DAB1: variants seen among roughly 807,000 people sequenced by gnomAD.
DAB1 encodes disabled homolog 1.
In DAB1, 15 loss-of-function variants were observed where a neutral mutation model predicts 64.6. The ratio of observed to expected loss-of-function variants is 0.23; its 90% CI spans 0.16 to 0.36. The LOEUF is 0.36. DAB1 is among the 10% of genes least tolerant of loss of function. DAB1 has a pLI of 1.00. For synonymous variants in DAB1, 235 were observed against 251.9 expected, an observed-to-expected ratio of 0.93 and a Z score of 0.64; for missense variants, 596 against 706.7, an observed-to-expected ratio of 0.84 and a Z score of 1.78.
intron 14 of DAB1, among the ~76,000 whole-genome samples, chr1:57,003,699 T>C (rs1645957178): frequency 6.6e-6 from 1 of 152,144 alleles, no homozygotes; most frequent in African/African-American, 2.4e-5. Context: ...CCCCATTCAT[T>C]CCCCAAATCC....
intron 6 of DAB1, among the ~76,000 whole-genome samples, chr1:57,778,035 T>C (rs749624877): frequency 6.6e-6 from 1 of 152,094 alleles, no homozygotes; most frequent in Non-Finnish European, 1.5e-5. Context: ...GGAGTCTTCA[T>C]TGAAATATCC....
chr1:57,876,655 T>A (rs891673920), intron 1 of DAB1: 1 of 152,150 alleles, frequency 6.6e-6, no homozygotes, highest in African/African-American at 2.4e-5. Flanking sequence ...TACCCTATAA[T>A]CCCTTTGCCT....
At chr1:57,277,681 A>G (rs1388796954) in intron 2 of DAB1, among the ~76,000 whole-genome samples, 1 of 152,166 alleles carries the variant, frequency 6.6e-6, no homozygotes, top group East Asian at 1.9e-4. Context: ...GGGCATGATC[A>G]TTTTCCCAAT....
intron 7 of DAB1, among the ~76,000 whole-genome samples, chr1:57,449,645 C>G (rs1241781573): frequency 6.6e-6 from 1 of 152,080 alleles, no homozygotes; most frequent in Non-Finnish European, 1.5e-5. Context: ...TCCCAAAATG[C>G]CAGGATTATA....
chr1:57,885,200 T>C (rs1644204249), upstream of DAB1, among the ~76,000 whole-genome samples: 1 of 152,250 alleles, frequency 6.6e-6, no homozygotes, highest in African/African-American at 2.4e-5. Flanking sequence ...ATTTTAAGCA[T>C]AGCTTTTAGT....
chr1:58,523,018 A>G (rs1477160579), intron 2 of DAB1, among the ~76,000 whole-genome samples: 4 of 152,198 alleles, frequency 2.6e-5, no homozygotes, highest in African/African-American at 9.7e-5. Flanking sequence ...AAAATAAGTC[A>G]AAAGTAGTCT....
chr1:57,969,206 T>C (rs759697975), intron 5 of DAB1, among the ~76,000 whole-genome samples: 14 of 152,036 alleles, frequency 9.2e-5, no homozygotes, highest in Non-Finnish European at 2.1e-4. Flanking sequence ...TTACAAAGAG[T>C]TCAAGAATAT....
chr1:57,159,173 GT>G (rs372634194), intron 2 of DAB1, among the ~76,000 whole-genome samples: 10,637 of 149,544 alleles, frequency 0.071, 511 homozygotes, highest in Non-Finnish European at 0.11. Context: ...TTTATTTCAG[GT>G]TTTTTTTTTC....
intron 8 of DAB1, among the ~76,000 whole-genome samples, chr1:57,067,629 A>G (rs1021452719): frequency 6.6e-6 from 1 of 152,200 alleles, no homozygotes; most frequent in African/African-American, 2.4e-5. Flanking sequence ...GCTTCTCTAA[A>G]AAAATCAAAG....
At chr1:57,164,024 T>G (rs923826836) in intron 2 of DAB1, among the ~76,000 whole-genome samples, 3 of 152,194 alleles carry the variant, frequency 2.0e-5, no homozygotes, top group African/African-American at 7.2e-5. Context: ...TGCCTGGAAC[T>G]GTAACCTTGG....
chr1:57,981,059 A>G (rs1391853961), intron 5 of DAB1, among the ~76,000 whole-genome samples: 6 of 152,198 alleles, frequency 3.9e-5, no homozygotes, highest in Non-Finnish European at 8.8e-5. Flanking sequence ...AAATAGAAGT[A>G]TTTAAACACT....
At chr1:57,046,483 T>C (rs890125298) in intron 9 of DAB1, among the ~76,000 whole-genome samples, 1 of 152,178 alleles carries the variant, frequency 6.6e-6, no homozygotes, top group Admixed American at 6.6e-5. Flanking sequence ...TAATGGCAGT[T>C]AAGGAGAAAG....
intron 11 of DAB1, among the ~76,000 whole-genome samples, chr1:57,018,485 A>C (rs1332517361): frequency 6.6e-6 from 1 of 152,158 alleles, no homozygotes; most frequent in Non-Finnish European, 1.5e-5. Flanking sequence ...AATTATATTC[A>C]TTTTGAAAAA....
intron 1 of DAB1, among the ~76,000 whole-genome samples, chr1:57,359,015 G>C (rs561927547): frequency 9.9e-5 from 15 of 152,108 alleles, no homozygotes; most frequent in Non-Finnish European, 1.9e-4. Context: ...AAATATATAA[G>C]AAAAGCTCCA....
chr1:57,642,370 T>C (rs1231577919), intron 7 of DAB1, among the ~76,000 whole-genome samples: 2 of 152,204 alleles, frequency 1.3e-5, no homozygotes, highest in Admixed American at 6.5e-5. Context: ...CTGATGTTGC[T>C]TGTCCCAAGC....
chr1:58,206,674 G>A (rs1445738422), intron 4 of DAB1, among the ~76,000 whole-genome samples: 1 of 152,130 alleles, frequency 6.6e-6, no homozygotes, highest in Non-Finnish European at 1.5e-5. Flanking sequence ...CACACTTCCA[G>A]ATATAGAGTA....
At chr1:57,209,828 C>G (rs966960264) in intron 2 of DAB1, among the ~76,000 whole-genome samples, 1 of 152,170 alleles carries the variant, frequency 6.6e-6, no homozygotes, top group African/African-American at 2.4e-5. Context: ...TATCCTCCCT[C>G]TCCCCCTCAC....
rs991260918 is a variant in DAB1 at position 57,508,179 on chromosome 1, C to T, written n.625+141413G>A. 3.9e-5 allele frequency among the ~76,000 whole-genome samples: 6 copies of T among 152,338 alleles called. No individual in the cohort carries two copies. In the East Asian group the frequency reaches 5.8e-4, roughly 15 times the overall value. ...TCCTATCTCTGCAACTTTCCCCGAA[C>T]ATTCCAACCTTTGTGCCTTGGCTCC... On this transcript the variant is annotated intron_variant and non_coding_transcript_variant, in intron 7 of 20. Coordinates refer to the DAB1 transcript ENST00000485760.
intron 6 of DAB1, among the ~76,000 whole-genome samples, chr1:57,815,697 C>T (rs1466037647): frequency 6.6e-6 from 1 of 151,670 alleles, no homozygotes; most frequent in Non-Finnish European, 1.5e-5. Flanking sequence ...ACAGAATGCA[C>T]TCAACAAACA....
Sources: allele counts gnomAD v4.1 joint callset (sites outside exome capture counted in the v4.1 genomes callset), GRCh38; gene constraint gnomAD v4.1.1; transcripts MANE v1.5; gene names NCBI Gene and HGNC (gene_info 2026-07-23, HGNC 2026-07-21).